ZSWIM5: variants seen among roughly 807,000 people sequenced by gnomAD.
ZSWIM5 encodes zinc finger SWIM-type containing 5, also known as zinc finger SWIM domain-containing protein 5.
In ZSWIM5, 55 loss-of-function variants were observed where a neutral mutation model predicts 119.6. The ratio of observed to expected loss-of-function variants is 0.46; its 90% CI spans 0.37 to 0.58. The LOEUF is 0.58. Among genes scored for constraint, ZSWIM5 ranks in the 20% least tolerant of loss-of-function variants. The pLI, the probability that ZSWIM5 is intolerant of heterozygous loss-of-function variation, is 0.00. For synonymous variants in ZSWIM5, 537 were observed against 606.9 expected (o/e 0.88, Z 1.69); for missense variants, 1,193 against 1,512.8 (o/e 0.79, Z 3.51).
chr1:45,041,057 A>G (rs1645015672), intron 6 of ZSWIM5, among the ~76,000 whole-genome samples: 1 of 152,312 alleles, frequency 6.6e-6, no homozygotes, highest in East Asian at 1.9e-4. Context: ...CAGAGAGAAA[A>G]TAATATTTGA....
At chr1:45,127,628 G>A (rs114112940) in intron 1 of ZSWIM5, among the ~76,000 whole-genome samples, 3,106 of 151,794 alleles carry the variant, frequency 0.02, 115 homozygotes, top group African/African-American at 0.072. Context: ...TTTTAGAGAT[G>A]GGGTCTTGCT....
At chr1:45,110,500 G>A (rs769883685) in intron 1 of ZSWIM5, among the ~76,000 whole-genome samples, 6 of 152,152 alleles carry the variant, frequency 3.9e-5, no homozygotes, top group African/African-American at 7.2e-5. Flanking sequence ...AATATGCAGA[G>A]TCCTGGAGGG....
intron 5 of ZSWIM5, among the ~76,000 whole-genome samples, chr1:45,045,509 C>T (rs565696339): frequency 1.3e-5 from 2 of 152,264 alleles, no homozygotes; most frequent in East Asian, 3.9e-4. Flanking sequence ...GGTACAGGCT[C>T]AGATGGTTGA....
chr1:45,121,932 C>T (rs892702839), intron 1 of ZSWIM5, among the ~76,000 whole-genome samples: 3 of 152,174 alleles, frequency 2.0e-5, no homozygotes, highest in African/African-American at 7.2e-5. Context: ...TTGTCTTTCT[C>T]TGTCTATCCA....
In ZSWIM5 at chr1:45,035,709, T is replaced by G. The variant is rs761734267; in HGVS notation, c.2270A>C (p.Lys757Thr). The G allele has an allele frequency of 4.3e-6, 7 of 1,613,630 alleles. No homozygotes were observed. The highest frequency in any genetic ancestry group is 5.9e-6 in the Non-Finnish European group (7 of 1,179,994). ...LLPHDPDLSY[K>T]LALRAMRLPV... Reference sequence around the variant, plus strand: ...CCACCTCATGGCACGTAAGGCTAATTTATAGGACAGGTCTGGATCATGAGG... The same window carrying G: ...CCACCTCATGGCACGTAAGGCTAATGTATAGGACAGGTCTGGATCATGAGG... Residue 757 changes from lysine to threonine, a missense_variant, in exon 10 of 14, where the codon AAA becomes ACA. Lys to Thr is a moderately conservative substitution (Grantham distance 78, BLOSUM62 -1). Around this residue, in one of 2 missense-constraint regions of ZSWIM5, gnomAD observed 961 missense variants for 1,290.0 expected, o/e 0.74. Transcript: ENST00000359600.
chr1:45,166,332 C>T (rs1013737996), intron 1 of ZSWIM5, among the ~76,000 whole-genome samples: 7 of 152,138 alleles, frequency 4.6e-5, no homozygotes, highest in Non-Finnish European at 4.4e-5. Context: ...ATAATAAGAG[C>T]TATTTATGAC....
chr1:45,057,998 GC>G lies in ZSWIM5; in HGVS notation c.1252+610del, dbSNP rs1645132136. Among the ~76,000 whole-genome samples, 2 of 152,204 alleles carry G rather than the reference GC, an allele frequency of 1.3e-5. No homozygotes were observed. The highest frequency in any genetic ancestry group is 1.3e-4 in the Admixed American group (2 of 15,282). Reference sequence around the variant, plus strand: ...TAAAGTAAGGAATGGTGGTGCCAATGCCAGTCACAAGAGCCTTTTTTTGTAG... The same window carrying G: ...TAAAGTAAGGAATGGTGGTGCCAATGCAGTCACAAGAGCCTTTTTTTGTAG... On this transcript the variant is annotated intron_variant, in intron 4 of 13. Transcript: ENST00000359600. This position sits in a 1 kb window ranked among gnomAD's most constrained non-coding sequence, Gnocchi z 4.7.
At chr1:45,192,092 TAAATA>T (rs1646096160) in intron 1 of ZSWIM5, among the ~76,000 whole-genome samples, 1 of 152,354 alleles carries the variant, frequency 6.6e-6, no homozygotes, top group African/African-American at 2.4e-5. Context: ...ACATTTTGTA[TAAATA>T]AAATAATATA....
At chr1:45,147,564 AGTT>A (rs1331572441) in intron 1 of ZSWIM5, among the ~76,000 whole-genome samples, 1 of 131,278 alleles carries the variant, frequency 7.6e-6, no homozygotes, top group Non-Finnish European at 1.6e-5. Context: ...TTCCATTGTT[AGTT>A]AAGTGGTTTA....
At chr1:45,156,166 C>T (rs1645825538) in intron 1 of ZSWIM5, among the ~76,000 whole-genome samples, 1 of 152,052 alleles carries the variant, frequency 6.6e-6, no homozygotes, top group Admixed American at 6.6e-5. Context: ...AGACCACTAT[C>T]CTAAGTGAAT....
chr1:45,076,570 G>C (rs111448007), intron 2 of ZSWIM5, among the ~76,000 whole-genome samples: 6 of 152,178 alleles, frequency 3.9e-5, no homozygotes, highest in African/African-American at 1.4e-4. Context: ...TAAATGTCTT[G>C]AAGTAGTCTT....
chr1:45,170,193 A>G (rs1260897948), intron 1 of ZSWIM5, among the ~76,000 whole-genome samples: 1 of 152,078 alleles, frequency 6.6e-6, no homozygotes, highest in Non-Finnish European at 1.5e-5. Flanking sequence ...ATTTTTATAT[A>G]TTGTTTGATT....
At chr1:45,094,507 C>T (rs1258555356) in intron 1 of ZSWIM5, among the ~76,000 whole-genome samples, 2 of 151,988 alleles carry the variant, frequency 1.3e-5, no homozygotes, top group Non-Finnish European at 2.9e-5. Context: ...CTTTGGGAGC[C>T]CAAGGTGGGA....
chr1:45,057,100 C>T lies in ZSWIM5; in HGVS notation c.1252+1509G>A, dbSNP rs1439287370. 6.6e-6 allele frequency among the ~76,000 whole-genome samples: 1 copy of T among 152,202 alleles called. No individual in the cohort carries two copies. Among genetic ancestry groups the T allele is most frequent in the African/African-American group, 2.4e-5 (1 of 41,452 alleles). On this transcript the variant is annotated intron_variant, in intron 4 of 13. Transcript: ENST00000359600. The surrounding 1 kb of genome is among the most constrained non-coding windows in gnomAD (Gnocchi z 4.7). ...TAGTGTCTAACCTAATAAGCCTTCTCTAAGTGCAGTGGTTCTCAAAGTGTG... is the reference window on the plus strand; with the variant it reads ...TAGTGTCTAACCTAATAAGCCTTCTTTAAGTGCAGTGGTTCTCAAAGTGTG...
chr1:45,082,170 C>T (rs1212940816), intron 2 of ZSWIM5, among the ~76,000 whole-genome samples: 3 of 151,494 alleles, frequency 2.0e-5, no homozygotes, highest in Non-Finnish European at 4.4e-5. Context: ...ATCTCAAGTA[C>T]CCAGGGACAC....
chr1:45,164,086 C>T (rs180736286), intron 1 of ZSWIM5, among the ~76,000 whole-genome samples: 1 of 152,258 alleles, frequency 6.6e-6, no homozygotes, highest in East Asian at 1.9e-4. Flanking sequence ...TTGGGTTACC[C>T]ATAAAGGGAA....
intron 1 of ZSWIM5, among the ~76,000 whole-genome samples, chr1:45,100,992 T>G (rs1645436522): frequency 6.6e-6 from 1 of 151,468 alleles, no homozygotes; most frequent in Admixed American, 6.6e-5. Context: ...AGGCATGGAC[T>G]TCATGACTAA....
chr1:45,034,288 A>G, intron 11 of ZSWIM5, 24 bp downstream of exon 11: 1 of 1,558,114 alleles, frequency 6.4e-7, no homozygotes, highest in African/African-American at 1.4e-5. Context: ...GTGATGCTGG[A>G]GCTTAAGGTC....
intron 11 of ZSWIM5, among the ~76,000 whole-genome samples, chr1:45,034,068 T>C (rs964750724): frequency 2.0e-5 from 3 of 152,210 alleles, no homozygotes; most frequent in African/African-American, 4.8e-5. Flanking sequence ...TTGGCCAGGA[T>C]GGTCTCGATC....
Sources: gnomAD v4.1 joint callset for allele counts (sites outside exome capture counted in the v4.1 genomes callset) on GRCh38, gnomAD v4.1.1 for gene constraint, gnomAD v4.1.1 regional missense constraint, Gnocchi (gnomAD v3.1) non-coding constraint, MANE v1.5 for transcripts, NCBI Gene and HGNC (gene_info 2026-07-23, HGNC 2026-07-21) for gene names.